CDKL1: variants seen among roughly 807,000 people sequenced by gnomAD.
CDKL1 encodes the protein cyclin dependent kinase like 1.
CDKL1 carries 41 observed loss-of-function variants against 42.0 expected under a neutral mutation model. The observed-to-expected ratio is 0.98, with a 90% confidence interval of 0.76 to 1.27. The LOEUF is 1.27. Among genes scored for constraint, CDKL1 ranks in the 50% most tolerant of loss-of-function variants. The probability of loss-of-function intolerance (pLI) is 0.00; values close to 1 mark genes in which losing one functional copy is unlikely to be tolerated. For missense variants in CDKL1, 394 were observed against 428.4 expected, an observed-to-expected ratio of 0.92 and a Z score of 0.71; for synonymous variants, 153 against 158.6, an observed-to-expected ratio of 0.96 and a Z score of 0.26.
At chr14:50,380,607 G>A (rs756567126) in intron 2 of CDKL1, among the ~76,000 whole-genome samples, 3 of 152,164 alleles carry the variant, frequency 2.0e-5, no homozygotes, top group Non-Finnish European at 4.4e-5. Flanking sequence ...TTGTCTTGAC[G>A]TTCCACTGAA....
chr14:50,374,309 G>A (rs532040693), intron 2 of CDKL1, among the ~76,000 whole-genome samples: 2 of 152,308 alleles, frequency 1.3e-5, no homozygotes, highest in South Asian at 4.1e-4. Context: ...GGATTTATTA[G>A]GGCAGTGAAA....
intron 3 of CDKL1, 74 bp downstream of exon 3, chr14:50,358,954 A>C: frequency 6.7e-7 from 1 of 1,501,876 alleles, no homozygotes; most frequent in Non-Finnish European, 9.2e-7. Context: ...CTAGTCTTAA[A>C]AAGAGTCATT....
At position 50,359,320 on chromosome 14, in the gene CDKL1, T is replaced by G. The variant is rs1057436657; in HGVS notation, c.169-171A>C. On this transcript the variant is annotated intron_variant, in intron 2 of 9. Transcript: ENST00000395834. ...TCTTAACAAGCTATTTGTCAGTAGCTTGTAAGTCAAAGATGATTATAACAC... is the reference window on the plus strand; with the variant it reads ...TCTTAACAAGCTATTTGTCAGTAGCGTGTAAGTCAAAGATGATTATAACAC... 2.6e-5 allele frequency among the ~76,000 whole-genome samples: 4 copies of G among 152,132 alleles called. No individual in the cohort carries two copies. In the South Asian group the frequency reaches 8.3e-4, roughly 32 times the overall value.
At chr14:50,347,192 T>C (rs1220723939) in intron 3 of CDKL1, among the ~76,000 whole-genome samples, 2 of 152,214 alleles carry the variant, frequency 1.3e-5, no homozygotes, top group Non-Finnish European at 2.9e-5. Flanking sequence ...TTACTCAGTT[T>C]CTTTTCTGTA....
intron 2 of CDKL1, among the ~76,000 whole-genome samples, chr14:50,370,017 ATACT>A (rs779578813): frequency 1.3e-5 from 2 of 151,884 alleles, no homozygotes; most frequent in African/African-American, 2.4e-5. Flanking sequence ...ATCACTTCAA[ATACT>A]TACCTTTTTT....
intron 5 of CDKL1, among the ~76,000 whole-genome samples, chr14:50,341,584 G>C (rs776734580): frequency 6.7e-4 from 101 of 151,752 alleles, no homozygotes; most frequent in Non-Finnish European, 3.4e-4. Context: ...TTCGAGACCA[G>C]CCTGGGCAAT....
chr14:50,397,047 G>A, upstream of CDKL1: 1 of 1,309,056 alleles, frequency 7.6e-7, no homozygotes, highest in Non-Finnish European at 1.0e-6. Context: ...GTCCATGGGA[G>A]CTGTCCTGAC....
chr14:50,390,052 A>G (rs760415958), intron 2 of CDKL1: 7 of 714,610 alleles, frequency 9.8e-6, no homozygotes, highest in Non-Finnish European at 1.4e-5. Flanking sequence ...TAAGGTTGTT[A>G]TTAGTGTAAT....
At position 50,332,384 on chromosome 14, in the gene CDKL1, A is replaced by G; in HGVS notation, c.844T>C (p.Leu282=). 1 of 1,614,172 alleles carries G rather than the reference A, an allele frequency of 6.2e-7. No individual in the cohort carries two copies. Among genetic ancestry groups the G allele is most frequent in the Middle Eastern group, 1.6e-4 (1 of 6,062 alleles). ...PTQRLTCEQL[L]HHPYFENIRE... ...ATGTTTTCAAAATATGGGTGATGCA[A>G]CAGCTGTTCACATGTCAGCCTTTGA... Residue 282 remains leucine, a synonymous_variant, in exon 9 of 10, where the codon TTG becomes CTG. Coordinates refer to ENST00000395834, the MANE Select transcript of CDKL1 (RefSeq NM_004196.7).
At chr14:50,383,925 G>A (rs115478893) in intron 2 of CDKL1, among the ~76,000 whole-genome samples, 58 of 152,094 alleles carry the variant, frequency 3.8e-4, no homozygotes, top group African/African-American at 1.1e-3. Context: ...CTACACAGCC[G>A]GAATATAATC....
intron 3 of CDKL1, among the ~76,000 whole-genome samples, chr14:50,355,243 T>C (rs936965608): frequency 1.1e-4 from 17 of 152,186 alleles, no homozygotes; most frequent in African/African-American, 1.7e-4. Context: ...TTATAAACAA[T>C]ACTTAAAAAT....
intron 5 of CDKL1, among the ~76,000 whole-genome samples, chr14:50,341,795 A>AG: frequency 6.6e-6 from 1 of 151,744 alleles, no homozygotes. Context: ...AAAAAAAAAA[A>AG]AAGTTCCCCA....
intron 4 of CDKL1, chr14:50,342,467 C>G: frequency 7.9e-7 from 1 of 1,264,916 alleles, no homozygotes; most frequent in East Asian, 3.2e-5. Context: ...GTAGGGTAGC[C>G]GGTCTTAGCA....
At chr14:50,391,922 T>G (rs2035268343) in intron 2 of CDKL1, among the ~76,000 whole-genome samples, 3 of 152,208 alleles carry the variant, frequency 2.0e-5, no homozygotes, top group Admixed American at 2.0e-4. Context: ...GTCTTCCTTT[T>G]GTAATAAAAC....
At chr14:50,330,320 G>T in intron 9 of CDKL1, 139 bp from the exon 10 acceptor site, 1 of 1,025,976 alleles carries the variant, frequency 9.7e-7, no homozygotes, top group Non-Finnish European at 1.3e-6. Context: ...ACTTGAGAGA[G>T]GATTAAATGT....
chr14:50,339,348 A>G (rs956919556), intron 6 of CDKL1, among the ~76,000 whole-genome samples: 1 of 152,204 alleles, frequency 6.6e-6, no homozygotes. Context: ...ACATGCACAC[A>G]AATAAAATAA....
At position 50,342,379 on chromosome 14, in the gene CDKL1, C is replaced by A. The variant is rs181828154; in HGVS notation, c.364-157G>T. ...AGAGCAGCCTAAAATAAATCTAGTA[C>A]CATGCCTGTCAGAGCCTGAATCATC... On this transcript the variant is annotated intron_variant, in intron 4 of 9. Transcript: ENST00000395834. 43 of 1,408,210 alleles carry A rather than the reference C, an allele frequency of 3.1e-5. No homozygotes were observed. In the African/African-American group the frequency reaches 5.8e-4, roughly 19 times the overall value. 87.2% of individuals were successfully genotyped at this position (1,408,210 alleles called of 1,614,324 possible). A position where few individuals can be genotyped will look rare whatever the true frequency, so the allele number is the denominator to read the frequency against.
At chr14:50,361,829 C>G (rs1159190036) in intron 2 of CDKL1, among the ~76,000 whole-genome samples, 1 of 152,274 alleles carries the variant, frequency 6.6e-6, no homozygotes, top group African/African-American at 2.4e-5. Flanking sequence ...TCGGCGCCTT[C>G]TCTATCTGGG....
intron 2 of CDKL1, chr14:50,390,544 A>G (rs559337721): frequency 9.3e-5 from 30 of 322,520 alleles, no homozygotes; most frequent in African/African-American, 6.6e-4. Flanking sequence ...ATTACTTTGT[A>G]TTTGTATGGT....
Sources: gnomAD v4.1 joint callset for allele counts (sites outside exome capture counted in the v4.1 genomes callset) on GRCh38, gnomAD v4.1.1 for gene constraint, MANE v1.5 for transcripts, NCBI Gene and HGNC (gene_info 2026-07-23, HGNC 2026-07-21) for gene names.